The following ATP6V1E2 variants were observed in gnomAD, a reference collection of about 807,000 sequenced individuals.
ATP6V1E2 encodes the protein ATPase H+ transporting V1 subunit E2.
For missense variants in ATP6V1E2, 308 were observed against 273.3 expected, an observed-to-expected ratio of 1.13 and a Z score of -0.90; for synonymous variants, 121 against 104.2, an observed-to-expected ratio of 1.16 and a Z score of -0.98.
intron 3 of ATP6V1E2, among the ~76,000 whole-genome samples, 189 bp downstream of exon 3, chr2:46,536,422 T>C (rs1221907344): frequency 6.6e-6 from 1 of 152,148 alleles, no homozygotes; most frequent in African/African-American, 2.4e-5. Context: ...GAGGTTTTAG[T>C]GGCAGGGAGA....
At chr2:46,526,714 T>G (rs1182561754) in intron 4 of ATP6V1E2, among the ~76,000 whole-genome samples, 1 of 152,236 alleles carries the variant, frequency 6.6e-6, no homozygotes, top group East Asian at 1.9e-4. Context: ...AGGTCAGAAT[T>G]TCCTTCCTTT....
intron 4 of ATP6V1E2, among the ~76,000 whole-genome samples, chr2:46,528,654 C>T (rs1201236880): frequency 6.6e-6 from 1 of 152,176 alleles, no homozygotes; most frequent in Non-Finnish European, 1.5e-5. Context: ...AAGATGCATC[C>T]AGGACTGGGC....
chr2:46,514,580 A>G (rs186588435), intron 4 of ATP6V1E2, among the ~76,000 whole-genome samples: 1 of 152,352 alleles, frequency 6.6e-6, no homozygotes, highest in Non-Finnish European at 1.5e-5. Flanking sequence ...GCTTGAAGAT[A>G]TAACATTTGA....
At chr2:46,518,490 A>AACACACACACACACACACACACACACAC (rs10546147) in intron 4 of ATP6V1E2, among the ~76,000 whole-genome samples, 1 of 140,912 alleles carries the variant, frequency 7.1e-6, no homozygotes, top group Admixed American at 7.2e-5. Context: ...ACACACACAC[A>AACACACACACACACACACACACACACAC]ACACACACAC....
At position 46,512,528 on chromosome 2, in the gene ATP6V1E2, T is replaced by G; in HGVS notation, c.184A>C (p.Lys62Gln). The change falls in exon 5 of 5, where the codon AAG becomes CAG. Residue 62 changes from lysine (K) to glutamine (Q), a missense_variant. Coordinates refer to ENST00000522587, the MANE Select transcript of ATP6V1E2 (RefSeq NM_001318063.2). ...ATTTTCTTCTGCTGCTCTATCTGCT[T>G]CTCCTTTTTCTCATAATACTCCATA... ...KIMEYYEKKE[K>Q]QIEQQKKILM... The G allele has an allele frequency of 6.2e-7, 1 of 1,614,172 alleles. No homozygotes were observed.
intron 4 of ATP6V1E2, among the ~76,000 whole-genome samples, chr2:46,513,938 G>C (rs1687591711): frequency 6.6e-6 from 1 of 152,184 alleles, no homozygotes; most frequent in African/African-American, 2.4e-5. Flanking sequence ...CTTTTTACTA[G>C]AAGTGGTTCC....
intron 4 of ATP6V1E2, among the ~76,000 whole-genome samples, chr2:46,518,146 A>T (rs1388278267): frequency 3.6e-4 from 55 of 152,212 alleles, no homozygotes; most frequent in Admixed American, 3.6e-3. Context: ...GTATACATAA[A>T]ATGGAATATT....
At chr2:46,540,959 A>G (rs1209730887) in intron 2 of ATP6V1E2, among the ~76,000 whole-genome samples, 1 of 152,166 alleles carries the variant, frequency 6.6e-6, no homozygotes, top group Non-Finnish European at 1.5e-5. Context: ...GCTCACATTT[A>G]TAGATGAGAA....
chr2:46,536,903 C>T lies in ATP6V1E2; in HGVS notation c.-309-200G>A, dbSNP rs529310051. On this transcript the variant is annotated intron_variant, in intron 2 of 4. Transcript: ENST00000522587. Reference sequence around the variant, plus strand: ...TTTCAAGTGATTCTCCTGCCTCAGCCTCCCGAGTAGCTGGGATTACAGGCA... The same window carrying T: ...TTTCAAGTGATTCTCCTGCCTCAGCTTCCCGAGTAGCTGGGATTACAGGCA... Among the ~76,000 whole-genome samples the T allele has an allele frequency of 3.3e-5, 5 of 152,230 alleles. 1 individual carries two copies. The South Asian group carries it at 1.0e-3, about 32-fold the overall frequency.
At chr2:46,527,317 G>C (rs1334341145) in intron 4 of ATP6V1E2, among the ~76,000 whole-genome samples, 1 of 152,088 alleles carries the variant, frequency 6.6e-6, no homozygotes, top group African/African-American at 2.4e-5. Flanking sequence ...TGCCTACCGG[G>C]TTCACGCCAT....
At chr2:46,519,398 A>G (rs541439839) in intron 4 of ATP6V1E2, 1 of 152,378 alleles carries the variant, frequency 6.6e-6, no homozygotes, top group Admixed American at 6.5e-5. Flanking sequence ...ATAAGAAACC[A>G]GCACAAGCAA....
At chr2:46,533,236 T>C (rs1337433112) in intron 4 of ATP6V1E2, among the ~76,000 whole-genome samples, 7 of 151,264 alleles carry the variant, frequency 4.6e-5, no homozygotes, top group East Asian at 3.9e-4. Flanking sequence ...GATAGATAGA[T>C]AGATAGATAG....
At chr2:46,537,737 GC>G (rs1352402009) in intron 2 of ATP6V1E2, among the ~76,000 whole-genome samples, 1 of 152,042 alleles carries the variant, frequency 6.6e-6, no homozygotes, top group Non-Finnish European at 1.5e-5. Context: ...AAGCATCCTA[GC>G]CACAACACCA....
chr2:46,539,282 T>C (rs2103950299), intron 2 of ATP6V1E2, among the ~76,000 whole-genome samples: 1 of 152,344 alleles, frequency 6.6e-6, no homozygotes, highest in Admixed American at 6.5e-5. Flanking sequence ...TAGAAATTTG[T>C]GTTTATTCCC....
chr2:46,522,338 G>A (rs1200607096), intron 4 of ATP6V1E2, among the ~76,000 whole-genome samples: 1 of 150,312 alleles, frequency 6.7e-6, no homozygotes, highest in Non-Finnish European at 1.5e-5. Flanking sequence ...ACAGGTATAC[G>A]TGTGTCATAG....
At chr2:46,542,000 T>A (rs1667802791) in intron 1 of ATP6V1E2, 2 of 152,204 alleles carry the variant, frequency 1.3e-5, no homozygotes, top group African/African-American at 4.8e-5. Flanking sequence ...GTATCCTTTT[T>A]CTGGCTGGTG....
chr2:46,522,187 G>A (rs559207163), intron 4 of ATP6V1E2, among the ~76,000 whole-genome samples: 1 of 151,644 alleles, frequency 6.6e-6, no homozygotes, highest in East Asian at 1.9e-4. Context: ...CTACGTGGGA[G>A]GCTGAAGTGG....
intron 4 of ATP6V1E2, among the ~76,000 whole-genome samples, chr2:46,525,477 G>A (rs67378819): frequency 0.18 from 22,692 of 124,800 alleles, 2,482 homozygotes; most frequent in Non-Finnish European, 0.23. Context: ...AAAAAAAAAA[G>A]AAAAAAAAAA....
At chr2:46,520,231 G>T (rs1003225685) in intron 4 of ATP6V1E2, among the ~76,000 whole-genome samples, 1 of 152,228 alleles carries the variant, frequency 6.6e-6, no homozygotes, top group Non-Finnish European at 1.5e-5. Flanking sequence ...AAGTCCCTCT[G>T]CAGGAAAGCG....
Sources: allele counts gnomAD v4.1 joint callset (sites outside exome capture counted in the v4.1 genomes callset), GRCh38; gene constraint gnomAD v4.1.1; transcripts MANE v1.5; gene names NCBI Gene and HGNC (gene_info 2026-07-23, HGNC 2026-07-21).